Variants in CDC37L1 observed in about 807,000 individuals in gnomAD.
The protein encoded by CDC37L1 is hsp90 co-chaperone Cdc37-like 1.
A neutral mutation model predicts 45.9 loss-of-function variants in CDC37L1; 32 were observed. That is an observed-to-expected ratio of 0.70 (90% CI 0.53 to 0.94). CDC37L1 has a LOEUF of 0.94. Ranked by LOEUF, CDC37L1 falls within the 40% of genes least tolerant of loss-of-function variation. CDC37L1 has a pLI of 0.00. For synonymous variants in CDC37L1, 150 were observed against 133.0 expected (o/e 1.13, Z -0.88); for missense variants, 434 against 405.7 (o/e 1.07, Z -0.60).
At position 4,697,213 on chromosome 9, in the gene CDC37L1, T is replaced by A; in HGVS notation, c.624+2T>A. ...TGTTTTCACCTGGAAGCTGAGAAGG[T>A]ATTATTATGTGAACCTTGAGTTTCT... On this transcript the variant is annotated splice_donor_variant, in intron 4 of 6. Transcript: ENST00000381854. LOFTEE classifies it high-confidence loss of function. 7.8e-7 allele frequency: 1 copy of A among 1,278,582 alleles called. No individual in the cohort carries two copies. The highest frequency in any genetic ancestry group is 1.1e-6 in the Non-Finnish European group (1 of 878,256). 79.2% of individuals were successfully genotyped at this position (1,278,582 alleles called of 1,614,324 possible).
intron 5 of CDC37L1, among the ~76,000 whole-genome samples, chr9:4,699,321 T>A (rs1251896410): frequency 6.6e-6 from 1 of 152,056 alleles, no homozygotes; most frequent in African/African-American, 2.4e-5. Context: ...AGATTTTGTG[T>A]TTTCAATTTA....
intron 1 of CDC37L1, among the ~76,000 whole-genome samples, chr9:4,684,121 T>C (rs1157024877): frequency 6.6e-6 from 1 of 151,962 alleles, no homozygotes; most frequent in Non-Finnish European, 1.5e-5. Context: ...CTGTCTCTAC[T>C]AAAAATACAA....
intron 1 of CDC37L1, 112 bp from the exon 2 acceptor site, chr9:4,684,765 A>G: frequency 4.2e-6 from 3 of 705,994 alleles, no homozygotes; most frequent in Admixed American, 2.9e-5. Context: ...AACACAGGAT[A>G]TACTATATAC....
intron 5 of CDC37L1, 144 bp from the exon 6 acceptor site, chr9:4,701,720 C>A: frequency 2.0e-6 from 1 of 511,630 alleles, no homozygotes; most frequent in Non-Finnish European, 3.4e-6. Context: ...ACAAATGTGA[C>A]AGGGATCGTG....
chr9:4,707,543 G>C lies in CDC37L1; in HGVS notation c.*1431G>C, dbSNP rs1482492846. ...AGGTGATCAGACACTTAGTACCCTA[G>C]AAATGGACTGGAATTATTGAATCTT... is the stretch of plus-strand genomic sequence containing the variant. On this transcript the variant is annotated 3_prime_UTR_variant, in exon 7 of 7. Coordinates refer to ENST00000381854, the MANE Select transcript of CDC37L1 (RefSeq NM_017913.4). 6.6e-6 allele frequency: 1 copy of C among 152,198 alleles called. No homozygotes were observed. Among genetic ancestry groups the C allele is most frequent in the East Asian group, 1.9e-4 (1 of 5,196 alleles). The allele number at this position is 152,198 out of a possible 1,614,324, so 9.4% of individuals were successfully genotyped here. A position where few individuals can be genotyped will look rare whatever the true frequency, so the allele number is the denominator to read the frequency against.
intron 6 of CDC37L1, among the ~76,000 whole-genome samples, chr9:4,705,795 T>A (rs1841435975): frequency 6.6e-6 from 1 of 152,200 alleles, no homozygotes; most frequent in Non-Finnish European, 1.5e-5. Flanking sequence ...TGTATCATTC[T>A]TTTATCACAT....
chr9:4,701,719 A>T, intron 5 of CDC37L1, 145 bp from the exon 6 acceptor site: 1 of 514,530 alleles, frequency 1.9e-6, no homozygotes, highest in East Asian at 3.4e-5. Flanking sequence ...CACAAATGTG[A>T]CAGGGATCGT....
chr9:4,680,000 C>G (rs533766728), intron 1 of CDC37L1, 101 bp downstream of exon 1: 2 of 1,440,372 alleles, frequency 1.4e-6, no homozygotes, highest in East Asian at 2.5e-5. Flanking sequence ...TTTTTCTACG[C>G]CCACCTCACT....
intron 5 of CDC37L1, among the ~76,000 whole-genome samples, chr9:4,700,948 CTG>C (rs1265885069): frequency 6.6e-6 from 1 of 152,190 alleles, no homozygotes; most frequent in Non-Finnish European, 1.5e-5. Context: ...ATTACATACT[CTG>C]TGTCCACACA....
intron 6 of CDC37L1, among the ~76,000 whole-genome samples, chr9:4,702,823 A>T (rs1841411720): frequency 7.0e-6 from 1 of 142,824 alleles, no homozygotes; most frequent in African/African-American, 2.6e-5. Context: ...CGGGAGGCAG[A>T]GCTTGCAGTG....
intron 3 of CDC37L1, among the ~76,000 whole-genome samples, chr9:4,695,831 C>A (rs1473110228): frequency 1.3e-5 from 2 of 152,206 alleles, no homozygotes; most frequent in African/African-American, 4.8e-5. Flanking sequence ...CGCTCTGTCG[C>A]CCAGGCTGGA....
chr9:4,694,364 G>T (rs1302713891), intron 3 of CDC37L1, among the ~76,000 whole-genome samples: 1 of 151,720 alleles, frequency 6.6e-6, no homozygotes, highest in Admixed American at 6.6e-5. Context: ...ACAGGTGTGA[G>T]CTACTGCGCC....
Position 4,688,493 on chromosome 9 carries a change from T to A in CDC37L1, c.415-20T>A, listed in dbSNP as rs1159057422. 21 of 1,243,750 alleles carry A rather than the reference T, an allele frequency of 1.7e-5. No individual in the cohort carries two copies. The highest frequency in any genetic ancestry group is 1.1e-6 in the Non-Finnish European group (1 of 902,352). 77.0% of individuals were successfully genotyped at this position (1,243,750 alleles called of 1,614,324 possible). A position where few individuals can be genotyped will look rare whatever the true frequency, so the allele number is the denominator to read the frequency against. On this transcript the variant is annotated intron_variant, in intron 2 of 6. Transcript: ENST00000381854. ...ATTAGAATTTAAAATCTGATTTAAA[T>A]TTCTAAAATTTTTTCTTAGAGTTTT... is the stretch of plus-strand genomic sequence containing the variant.
intron 6 of CDC37L1, among the ~76,000 whole-genome samples, chr9:4,705,076 G>A (rs1162635393): frequency 6.6e-6 from 1 of 152,100 alleles, no homozygotes; most frequent in Admixed American, 6.6e-5. Flanking sequence ...ACAAAGTGTT[G>A]TACTTTCTTA....
At chr9:4,680,536 C>G in intron 1 of CDC37L1, among the ~76,000 whole-genome samples, 1 of 152,162 alleles carries the variant, frequency 6.6e-6, no homozygotes, top group Non-Finnish European at 1.5e-5. Flanking sequence ...TGTTTTCCTT[C>G]AGACTTCTCT....
chr9:4,695,524 C>T (rs990743811), intron 3 of CDC37L1, among the ~76,000 whole-genome samples: 5 of 152,024 alleles, frequency 3.3e-5, no homozygotes, highest in African/African-American at 7.3e-5. Flanking sequence ...GATGAGGTCT[C>T]GCTGTATTGC....
chr9:4,691,907 C>T (rs1051506722), intron 3 of CDC37L1, among the ~76,000 whole-genome samples: 11 of 152,012 alleles, frequency 7.2e-5, no homozygotes, highest in Admixed American at 1.3e-4. Flanking sequence ...ATTTCACAAC[C>T]GTTATATTCA....
At chr9:4,691,763 A>G (rs183100347) in intron 3 of CDC37L1, among the ~76,000 whole-genome samples, 146 of 152,304 alleles carry the variant, frequency 9.6e-4, no homozygotes, top group African/African-American at 3.2e-3. Context: ...AAATGGTACA[A>G]TATATCATGG....
At chr9:4,689,668 GA>G (rs1462749601) in intron 3 of CDC37L1, among the ~76,000 whole-genome samples, 2 of 151,678 alleles carry the variant, frequency 1.3e-5, no homozygotes, top group South Asian at 2.1e-4. Flanking sequence ...ATTTATAATG[GA>G]AAAAAAATGA....
Sources: allele counts gnomAD v4.1 joint callset (sites outside exome capture counted in the v4.1 genomes callset), GRCh38; gene constraint gnomAD v4.1.1; transcripts MANE v1.5; gene names NCBI Gene and HGNC (gene_info 2026-07-23, HGNC 2026-07-21).